QTRT2: variants seen among roughly 807,000 people sequenced by gnomAD.
The protein encoded by QTRT2 is queuine tRNA-ribosyltransferase domain containing 1.
Under a neutral mutation model 44.8 loss-of-function variants are expected in QTRT2, and 32 were observed. The observed-to-expected ratio is 0.71, with a 90% CI of 0.54 to 0.96. The LOEUF is 0.96. Ranked by LOEUF, QTRT2 falls within the 40% of genes least tolerant of loss-of-function variation. The pLI is 0.00. For synonymous variants in QTRT2, 182 were observed against 187.4 expected, an observed-to-expected ratio of 0.97 and a Z score of 0.24; for missense variants, 461 against 503.1, an observed-to-expected ratio of 0.92 and a Z score of 0.80.
intron 2 of QTRT2, among the ~76,000 whole-genome samples, chr3:114,062,645 T>C (rs535851567): frequency 6.6e-6 from 1 of 152,342 alleles, no homozygotes; most frequent in East Asian, 1.9e-4. Context: ...TTGTTGTTTT[T>C]ACCTGGAATT....
intron 6 of QTRT2, among the ~76,000 whole-genome samples, chr3:114,072,352 G>C (rs2018088): frequency 0.7 from 106,978 of 151,968 alleles, 38,564 homozygotes; most frequent in African/African-American, 0.85. Flanking sequence ...GAGGTTTCAC[G>C]ATGTTGGTCA....
At chr3:114,079,460 C>T (rs946791962) in intron 7 of QTRT2, 1 of 154,896 alleles carries the variant, frequency 6.5e-6, no homozygotes, top group Admixed American at 6.4e-5. Flanking sequence ...GAGAATTACT[C>T]CCGGAAGGTG....
At chr3:114,073,232 G>A (rs1022797204) in intron 6 of QTRT2, among the ~76,000 whole-genome samples, 3 of 152,114 alleles carry the variant, frequency 2.0e-5, no homozygotes, top group Admixed American at 2.0e-4. Context: ...GACTAGTAAT[G>A]TTTGGGTAAG....
At chr3:114,082,643 A>G (rs1343760588) in intron 8 of QTRT2, 34 bp from the exon 9 acceptor site, 2 of 834,366 alleles carry the variant, frequency 2.4e-6, no homozygotes, top group Non-Finnish European at 3.9e-6. Flanking sequence ...TTATCTGATC[A>G]TCATTCAAGC....
At chr3:114,058,248 T>G (rs1047036867) in intron 2 of QTRT2, among the ~76,000 whole-genome samples, 1 of 152,252 alleles carries the variant, frequency 6.6e-6, no homozygotes, top group African/African-American at 2.4e-5. Context: ...CATTTGGAAT[T>G]CTACCATCTT....
intron 6 of QTRT2, 106 bp downstream of exon 6, chr3:114,070,944 T>G: frequency 2.5e-6 from 2 of 796,544 alleles, no homozygotes; most frequent in Non-Finnish European, 4.0e-6. Flanking sequence ...GCTCCTCACT[T>G]CTTTGTCTAT....
chr3:114,059,150 G>T (rs1057155785), intron 2 of QTRT2, among the ~76,000 whole-genome samples: 2 of 152,250 alleles, frequency 1.3e-5, no homozygotes, highest in African/African-American at 4.8e-5. Flanking sequence ...GTTAGGACAG[G>T]TACGGTGTTG....
chr3:114,066,129 A>T, intron 3 of QTRT2, 99 bp from the exon 4 acceptor site: 1 of 796,204 alleles, frequency 1.3e-6, no homozygotes, highest in Non-Finnish European at 2.1e-6. Context: ...ATTTACCATG[A>T]TGTAACTTAT....
intron 5 of QTRT2, among the ~76,000 whole-genome samples, chr3:114,070,002 A>G (rs2077003393): frequency 6.6e-6 from 1 of 152,230 alleles, no homozygotes; most frequent in Non-Finnish European, 1.5e-5. Flanking sequence ...TCATTTCTAT[A>G]AAGAAATAAA....
chr3:114,079,970 T>C lies in QTRT2; in HGVS notation c.811T>C (p.Phe271Leu), dbSNP rs775629643. ...GTGTATTGAAAGAGGAGTGGACTTA[T>C]TTGAGAGTTTTTTCCCTTATCAAGT... Reference protein sequence around the residue: ...LECIERGVDLFESFFPYQVTE... With the variant: ...LECIERGVDLLESFFPYQVTE... The change falls in exon 8 of 10, where the codon TTT (phenylalanine) becomes CTT (leucine). Residue 271 changes from phenylalanine to leucine, a missense_variant. Phe to Leu is a conservative substitution (Grantham distance 22). Coordinates refer to ENST00000281273, the MANE Select transcript of QTRT2 (RefSeq NM_024638.4). The C allele has an allele frequency of 1.2e-6, 2 of 1,613,890 alleles. No individual in the cohort carries two copies. The highest frequency in any genetic ancestry group is 1.7e-6 in the Non-Finnish European group (2 of 1,179,828).
At chr3:114,073,258 C>T (rs184136808) in intron 6 of QTRT2, among the ~76,000 whole-genome samples, 41 of 152,152 alleles carry the variant, frequency 2.7e-4, no homozygotes, top group African/African-American at 9.2e-4. Context: ...AGCAGGACAG[C>T]GAGTGTGACA....
intron 7 of QTRT2, chr3:114,077,938 C>T (rs62267095): frequency 0.07 from 10,642 of 152,140 alleles, 409 homozygotes; most frequent in Middle Eastern, 0.082. Flanking sequence ...GTCTCGAACT[C>T]CCAACCTCAG....
rs145016658 is a variant in QTRT2, at chr3:114,073,675, G to A, written c.546+2837G>A. 1.3e-3 allele frequency among the ~76,000 whole-genome samples: 199 copies of A among 152,094 alleles called. 2 individuals are homozygous for A. The highest frequency in any genetic ancestry group is 9.5e-3 in the East Asian group (49 of 5,178). ...ATTATAGATGTGAGTCACCGCGCCC[G>A]GCCTTACTTATGCATATTTATTGGT... On this transcript the variant is annotated intron_variant, in intron 6 of 9. Transcript: ENST00000281273.
chr3:114,063,011 G>A (rs952080849), intron 2 of QTRT2, among the ~76,000 whole-genome samples: 4 of 152,134 alleles, frequency 2.6e-5, no homozygotes, highest in Admixed American at 6.5e-5. Context: ...AAATAGCTTC[G>A]GGCAACACAG....
rs2076976425 is a variant in QTRT2 at position 114,067,993 on chromosome 3, C to A, written c.263C>A (p.Pro88Gln). The part of the protein sequence containing the change: ...KEGVGKFIGM[P>Q]ESLLYCSLHD... ...CTTTTTTGTGTTTATACAGGCATGC[C>A]AGAATCACTCTTGTACTGCTCCCTG... is the stretch of plus-strand genomic sequence containing the variant. Residue 88 changes from proline to glutamine, a missense_variant, in exon 5 of 10, where the codon CCA becomes CAA. Physicochemically the swap from Pro to Gln is moderately conservative, Grantham distance 76. Transcript: ENST00000281273. The A allele has an allele frequency of 1.9e-6, 3 of 1,613,590 alleles. No individual in the cohort carries two copies. Among genetic ancestry groups the A allele is most frequent in the Non-Finnish European group, 2.5e-6 (3 of 1,179,674 alleles).
chr3:114,075,707 C>T (rs751895964), intron 6 of QTRT2, among the ~76,000 whole-genome samples: 12 of 151,874 alleles, frequency 7.9e-5, no homozygotes, highest in Admixed American at 3.9e-4. Flanking sequence ...TGGGGTTTCA[C>T]AGTGTTGGCC....
At chr3:114,084,357 T>TCTGTAATCCTA (rs1257662552) in intron 9 of QTRT2, among the ~76,000 whole-genome samples, 1 of 152,112 alleles carries the variant, frequency 6.6e-6, no homozygotes, top group African/African-American at 2.4e-5. Context: ...GTAGCTCACA[T>TCTGTAATCCTA]CTGTAATCCT....
At chr3:114,067,091 G>A (rs1287714606) in intron 4 of QTRT2, among the ~76,000 whole-genome samples, 3 of 152,078 alleles carry the variant, frequency 2.0e-5, no homozygotes, top group Non-Finnish European at 4.4e-5. Context: ...TGGTTATTCA[G>A]TCTTCTGCTT....
chr3:114,070,934 G>C, intron 6 of QTRT2, 96 bp downstream of exon 6: 1 of 884,578 alleles, frequency 1.1e-6, no homozygotes, highest in South Asian at 1.5e-5. Context: ...CTACTGCTGT[G>C]CTCCTCACTT....
Sources: gnomAD v4.1 joint callset for allele counts (sites outside exome capture counted in the v4.1 genomes callset) on GRCh38, gnomAD v4.1.1 for gene constraint, MANE v1.5 for transcripts, NCBI Gene and HGNC (gene_info 2026-07-23, HGNC 2026-07-21) for gene names.